The following FARS2 variants were observed in gnomAD, a reference collection of about 807,000 sequenced individuals.
FARS2 encodes phenylalanine--tRNA ligase, mitochondrial.
In FARS2, 40 loss-of-function variants were observed where a neutral mutation model predicts 46.4. That is an observed-to-expected ratio of 0.86 (90% CI 0.67 to 1.12). The LOEUF (loss-of-function observed/expected upper bound fraction) is 1.12. Among genes scored for constraint, FARS2 ranks in the 50% most tolerant of loss-of-function variants. FARS2 has a pLI of 0.00. For missense variants in FARS2, 513 were observed against 567.9 expected (o/e 0.90, Z 0.98); for synonymous variants, 234 against 214.9 (o/e 1.09, Z -0.78).
chr6:5,748,894 G>T (rs1761788538), intron 6 of FARS2, among the ~76,000 whole-genome samples: 1 of 152,230 alleles, frequency 6.6e-6, no homozygotes, highest in African/African-American at 2.4e-5. Flanking sequence ...ACCTATCAGT[G>T]GCATCCCTCT....
At chr6:5,345,565 G>A (rs957246237) in intron 1 of FARS2, among the ~76,000 whole-genome samples, 11 of 152,200 alleles carry the variant, frequency 7.2e-5, no homozygotes, top group African/African-American at 2.4e-4. Flanking sequence ...CGAAGTCCAC[G>A]TGCTGTCTGT....
chr6:5,420,909 G>T (rs9504395), intron 3 of FARS2, among the ~76,000 whole-genome samples: 7,181 of 152,016 alleles, frequency 0.047, 562 homozygotes, highest in African/African-American at 0.16. Flanking sequence ...CTTGGTTGTG[G>T]ACCCCAGACC....
At chr6:5,554,772 A>G (rs1446445889) in intron 5 of FARS2, among the ~76,000 whole-genome samples, 1 of 152,180 alleles carries the variant, frequency 6.6e-6, no homozygotes, top group Non-Finnish European at 1.5e-5. Context: ...TTCAACCATA[A>G]CTGTGGTAGT....
In FARS2 at chr6:5,498,903, C is replaced by CT. The variant is rs572914032; in HGVS notation, c.905-46268dup. Reference sequence around the variant, plus strand: ...GCATTTCCATTGAAGCCAGTAGTGCCTTTTTTTTTCTTGAGATGGAGTCTC... The same window carrying CT: ...GCATTTCCATTGAAGCCAGTAGTGCCTTTTTTTTTTCTTGAGATGGAGTCTC... On this transcript the variant is annotated intron_variant, in intron 4 of 6. Coordinates refer to ENST00000274680, the MANE Select transcript of FARS2 (RefSeq NM_006567.5). Among the ~76,000 whole-genome samples the CT allele has an allele frequency of 1.1e-4, 17 of 151,488 alleles. No individual in the cohort carries two copies. In the East Asian group the frequency reaches 1.6e-3, roughly 14 times the overall value.
intron 6 of FARS2, among the ~76,000 whole-genome samples, chr6:5,646,189 G>A (rs961506540): frequency 5.9e-5 from 9 of 152,306 alleles, no homozygotes; most frequent in South Asian, 2.1e-4. Flanking sequence ...TGAGGTCACC[G>A]TGTGTCCTTA....
chr6:5,740,362 T>G (rs1010543316), intron 6 of FARS2, among the ~76,000 whole-genome samples: 4 of 152,186 alleles, frequency 2.6e-5, no homozygotes, highest in African/African-American at 9.7e-5. Flanking sequence ...GCCTTGATGG[T>G]TTTTTGAAAT....
chr6:5,630,171 G>GAAC lies in FARS2; in HGVS notation c.1217+16853_1217+16855dup, dbSNP rs1354899294. On this transcript the variant is annotated intron_variant, in intron 6 of 6. Transcript: ENST00000274680. The surrounding 1 kb of genome is among the most constrained non-coding windows in gnomAD (Gnocchi z 4.2). ...AGCAAGGTGAGGAAAGGACCCGAGGGAACACCAAGGTTTAAAGGATGGTGG... is the reference window on the plus strand; with the variant it reads ...AGCAAGGTGAGGAAAGGACCCGAGGGAACAACACCAAGGTTTAAAGGATGGTGG... Among the ~76,000 whole-genome samples the GAAC allele has an allele frequency of 2.0e-5, 3 of 152,126 alleles. No individual in the cohort carries two copies. The highest frequency in any genetic ancestry group is 7.2e-5 in the African/African-American group (3 of 41,412).
chr6:5,537,684 T>C (rs1340634982), intron 4 of FARS2, among the ~76,000 whole-genome samples: 2 of 152,260 alleles, frequency 1.3e-5, no homozygotes, highest in Non-Finnish European at 2.9e-5. Context: ...CTTTGGGCTT[T>C]CCTTTGCAAA....
At chr6:5,457,924 T>A (rs538066206) in intron 4 of FARS2, 1 of 152,376 alleles carries the variant, frequency 6.6e-6, no homozygotes, top group Non-Finnish European at 1.5e-5. Context: ...GTACAAATTA[T>A]GCTTTGTTTG....
intron 6 of FARS2, among the ~76,000 whole-genome samples, chr6:5,722,274 T>G (rs1759962313): frequency 6.6e-6 from 1 of 152,192 alleles, no homozygotes; most frequent in South Asian, 2.1e-4. Flanking sequence ...TGCTTTGACC[T>G]TACAAATCCC....
At chr6:5,729,733 CTTTG>C (rs371076459) in intron 6 of FARS2, among the ~76,000 whole-genome samples, 92 of 152,242 alleles carry the variant, frequency 6.0e-4, no homozygotes, top group African/African-American at 2.1e-3. Context: ...TCTTTCTCTG[CTTTG>C]TTTTTGTTTT....
At chr6:5,412,691 G>T (rs978548603) in intron 3 of FARS2, among the ~76,000 whole-genome samples, 1 of 152,180 alleles carries the variant, frequency 6.6e-6, no homozygotes, top group African/African-American at 2.4e-5. Context: ...AATTGTTAGT[G>T]CTACATTCTT....
At chr6:5,641,874 C>G (rs770408290) in intron 6 of FARS2, among the ~76,000 whole-genome samples, 7 of 152,212 alleles carry the variant, frequency 4.6e-5, no homozygotes, top group Non-Finnish European at 1.0e-4. Context: ...CCCCTGTTCT[C>G]CACGGTCATC....
At chr6:5,488,904 G>A (rs1198008986) in intron 4 of FARS2, among the ~76,000 whole-genome samples, 1 of 152,100 alleles carries the variant, frequency 6.6e-6, no homozygotes, top group Non-Finnish European at 1.5e-5. Context: ...GTCAATTCAT[G>A]TAGTAAATAT....
intron 4 of FARS2, among the ~76,000 whole-genome samples, chr6:5,465,775 GT>G (rs922887479): frequency 1.6e-4 from 23 of 146,528 alleles, no homozygotes; most frequent in Admixed American, 4.7e-4. Context: ...TTCATTGGAA[GT>G]TTTTTTTTTA....
intron 6 of FARS2, among the ~76,000 whole-genome samples, chr6:5,732,036 G>A (rs1411827425): frequency 6.6e-6 from 1 of 152,190 alleles, no homozygotes; most frequent in Non-Finnish European, 1.5e-5. Context: ...CCCCGTCACT[G>A]AGACAGCTGT....
rs58377881 is a variant in FARS2 at position 5,660,650 on chromosome 6, GAAAAAAAA to G, written c.1217+47342_1217+47349del. On this transcript the variant is annotated intron_variant, in intron 6 of 6. Transcript: ENST00000274680. ...GACAATAGAGTGAGACCCTGTCTCA[GAAAAAAAA>G]AAAAAAAAAAAGTAACAGTGAGCAG... Among the ~76,000 whole-genome samples, 142 of 104,116 alleles carry G rather than the reference GAAAAAAAA, an allele frequency of 1.4e-3. 1 individual carries two copies. The highest frequency in any genetic ancestry group is 5.4e-3 in the African/African-American group (139 of 25,956). The allele number at this position is 104,116 out of a possible 152,430, so 68.3% of individuals were successfully genotyped here. A position where few individuals can be genotyped will look rare whatever the true frequency, so the allele number is the denominator to read the frequency against.
intron 4 of FARS2, among the ~76,000 whole-genome samples, chr6:5,438,381 T>A (rs1029177323): frequency 5.9e-5 from 9 of 151,370 alleles, no homozygotes; most frequent in South Asian, 2.1e-4. Flanking sequence ...TTTTTTTTTT[T>A]TAATCTTTGT....
intron 2 of FARS2, among the ~76,000 whole-genome samples, chr6:5,383,972 A>G (rs1232923673): frequency 6.6e-6 from 1 of 151,760 alleles, no homozygotes; most frequent in Non-Finnish European, 1.5e-5. Context: ...TTGATCTGTC[A>G]TCATGGCCCA....
Sources: gnomAD v4.1 joint callset for allele counts (sites outside exome capture counted in the v4.1 genomes callset) on GRCh38, gnomAD v4.1.1 for gene constraint, Gnocchi (gnomAD v3.1) non-coding constraint, MANE v1.5 for transcripts, NCBI Gene and HGNC (gene_info 2026-07-23, HGNC 2026-07-21) for gene names.